TLN2: variants seen among roughly 807,000 people sequenced by gnomAD.
TLN2 encodes the protein talin 2, also known as talin-2.
Under a neutral mutation model 294.7 loss-of-function variants are expected in TLN2, and 118 were observed. The observed-to-expected ratio is 0.40, with a 90% CI of 0.34 to 0.47. The LOEUF (loss-of-function observed/expected upper bound fraction) is 0.47, where lower values mean the gene tolerates loss of function less well. Ranked by LOEUF, TLN2 falls within the 20% of genes least tolerant of loss-of-function variation. The probability of loss-of-function intolerance (pLI) is 0.84; values close to 1 mark genes in which losing one functional copy is unlikely to be tolerated. For missense variants in TLN2, 3,083 were observed against 3,282.2 expected (o/e 0.94, Z 1.48); for synonymous variants, 1,431 against 1,304.5 (o/e 1.10, Z -2.09).
chr15:62,575,973 T>C (rs1418746629), intron 1 of TLN2, among the ~76,000 whole-genome samples: 1 of 152,170 alleles, frequency 6.6e-6, no homozygotes, highest in Non-Finnish European at 1.5e-5. Context: ...TGTTTATTTG[T>C]GAGGTTAAAA....
chr15:62,559,571 A>G (rs927919631), intron 1 of TLN2, among the ~76,000 whole-genome samples: 6 of 152,118 alleles, frequency 3.9e-5, no homozygotes, highest in Admixed American at 2.0e-4. Flanking sequence ...GCAACTATCT[A>G]ATAGAGGGTT....
At chr15:62,459,117 C>T (rs1304766604) in intron 1 of TLN2, among the ~76,000 whole-genome samples, 1 of 152,076 alleles carries the variant, frequency 6.6e-6, no homozygotes, top group East Asian at 1.9e-4. Context: ...TCTCCTGCCT[C>T]AGCCTCCTGA....
intron 1 of TLN2, among the ~76,000 whole-genome samples, chr15:62,410,228 C>T (rs189743446): frequency 3.0e-3 from 453 of 150,424 alleles, no homozygotes; most frequent in Middle Eastern, 0.01. Flanking sequence ...GGTGACAGAG[C>T]GAGACTCCAT....
chr15:62,401,837 C>T (rs191043701), intron 1 of TLN2, among the ~76,000 whole-genome samples: 179 of 152,290 alleles, frequency 1.2e-3, no homozygotes, highest in African/African-American at 4.1e-3. Context: ...CTTCAGCCAT[C>T]GCTCACATGG....
At chr15:62,496,827 T>C (rs1313012959) in intron 1 of TLN2, among the ~76,000 whole-genome samples, 1 of 152,234 alleles carries the variant, frequency 6.6e-6, no homozygotes, top group Admixed American at 6.5e-5. Flanking sequence ...TTGTCCATTA[T>C]ACACACATCA....
In TLN2 at chr15:62,716,397, C is replaced by A; in HGVS notation, c.2701C>A (p.Arg901=). The change falls in exon 23 of 59, where the codon CGG becomes AGG. Residue 901 remains arginine, a synonymous_variant. Transcript: ENST00000636159. The part of the protein sequence containing the change: ...QRLREAAEGL[R]VATNAAAQNA... ...GCTGAGAGAAGCTGCAGAAGGCCTC[C>A]GGGTAGCAACCAACGCAGCTGCCCA... 1 of 1,611,722 alleles carries A rather than the reference C, an allele frequency of 6.2e-7. No homozygotes were observed. The highest frequency in any genetic ancestry group is 8.5e-7 in the Non-Finnish European group (1 of 1,179,020).
At chr15:62,581,085 T>C (rs1282420539) in intron 1 of TLN2, among the ~76,000 whole-genome samples, 1 of 152,084 alleles carries the variant, frequency 6.6e-6, no homozygotes, top group African/African-American at 2.4e-5. Context: ...GGTTTCACCA[T>C]GTTGGCCCGG....
rs767411833 is a variant in TLN2 at position 62,722,389 on chromosome 15, G to A, written c.3028G>A (p.Val1010Met). 6.2e-7 allele frequency: 1 copy of A among 1,613,240 alleles called. No homozygotes were observed. Among genetic ancestry groups the A allele is most frequent in the South Asian group, 1.1e-5 (1 of 90,994 alleles). Reference sequence around the variant, plus strand: ...GATGGTGTCCTCTGCCAAAGCCGCAGTGCCCACCGTGAGTGACCAGGCCGC... The same window carrying A: ...GATGGTGTCCTCTGCCAAAGCCGCAATGCCCACCGTGAGTGACCAGGCCGC... ...SKMVSSAKAA[V>M]PTVSDQAAAM... is the part of the protein sequence containing the mutation. Residue 1010 changes from valine to methionine, a missense_variant, in exon 26 of 59, where the codon GTG (valine) becomes ATG (methionine). Physicochemically the swap from Val to Met is conservative, Grantham distance 21. Coordinates refer to ENST00000636159, the MANE Select transcript of TLN2 (RefSeq NM_015059.3).
chr15:62,604,073 G>A (rs927833447), intron 2 of TLN2, among the ~76,000 whole-genome samples: 1 of 152,160 alleles, frequency 6.6e-6, no homozygotes, highest in African/African-American at 2.4e-5. Flanking sequence ...TAATTTCTAT[G>A]TATCATGAAA....
chr15:62,465,240 C>T (rs1032238733), intron 1 of TLN2, among the ~76,000 whole-genome samples: 1 of 150,578 alleles, frequency 6.6e-6, no homozygotes, highest in South Asian at 2.1e-4. Context: ...GGTTCTCTCT[C>T]TTTGCTGGGA....
intron 11 of TLN2, among the ~76,000 whole-genome samples, chr15:62,679,084 G>C (rs547926032): frequency 1.0e-4 from 15 of 148,054 alleles, no homozygotes; most frequent in Non-Finnish European, 1.9e-4. Flanking sequence ...TTCACAAGAA[G>C]CTGTAAAACT....
chr15:62,527,870 G>T (rs996809616), intron 1 of TLN2, among the ~76,000 whole-genome samples: 9 of 152,120 alleles, frequency 5.9e-5, no homozygotes, highest in Non-Finnish European at 1.3e-4. Flanking sequence ...GAATCCTATA[G>T]CCACTAACCA....
intron 2 of TLN2, among the ~76,000 whole-genome samples, chr15:62,600,053 C>T (rs1018645152): frequency 1.3e-5 from 2 of 152,036 alleles, no homozygotes; most frequent in Non-Finnish European, 2.9e-5. Flanking sequence ...ATTGCTAGAG[C>T]GGGTAGAGCA....
At chr15:62,620,134 C>T (rs562780418) in intron 3 of TLN2, among the ~76,000 whole-genome samples, 300 of 152,206 alleles carry the variant, frequency 2.0e-3, no homozygotes, top group African/African-American at 6.8e-3. Context: ...TTCCACCACA[C>T]CGGCTATTTT....
At chr15:62,620,131 A>T (rs956317720) in intron 3 of TLN2, among the ~76,000 whole-genome samples, 1 of 152,120 alleles carries the variant, frequency 6.6e-6, no homozygotes, top group Non-Finnish European at 1.5e-5. Context: ...GGGTTCCACC[A>T]CACCGGCTAT....
intron 23 of TLN2, 79 bp from the exon 24 acceptor site, chr15:62,717,497 C>A: frequency 1.0e-6 from 1 of 998,850 alleles, no homozygotes; most frequent in Non-Finnish European, 1.4e-6. Context: ...CCTGTCCTGA[C>A]TCTGTGGTGG....
At chr15:62,791,524 T>C (rs1221719605) in intron 45 of TLN2, among the ~76,000 whole-genome samples, 2 of 152,186 alleles carry the variant, frequency 1.3e-5, no homozygotes, top group Non-Finnish European at 2.9e-5. Context: ...GAAATAACAA[T>C]TGCAGCACCC....
intron 11 of TLN2, chr15:62,683,037 A>G (rs2056969818): frequency 6.6e-6 from 1 of 152,252 alleles, no homozygotes; most frequent in Admixed American, 6.5e-5. Context: ...GCTCTTGAGC[A>G]GCCTTTTTTT....
chr15:62,760,627 G>C (rs750997459), intron 37 of TLN2, among the ~76,000 whole-genome samples: 5 of 152,118 alleles, frequency 3.3e-5, no homozygotes, highest in Non-Finnish European at 7.4e-5. Context: ...TAACAGTCTT[G>C]ATCCTGAGGA....
Sources: allele counts gnomAD v4.1 joint callset (sites outside exome capture counted in the v4.1 genomes callset), GRCh38; gene constraint gnomAD v4.1.1; transcripts MANE v1.5; gene names NCBI Gene and HGNC (gene_info 2026-07-23, HGNC 2026-07-21).